The following RBM19 variants were observed in gnomAD, a reference collection of about 807,000 sequenced individuals.
RBM19 encodes probable RNA-binding protein 19.
In RBM19, 94 loss-of-function variants were observed where a neutral mutation model predicts 116.8. The observed-to-expected ratio is 0.80, with a 90% CI of 0.68 to 0.95. The LOEUF (loss-of-function observed/expected upper bound fraction) is 0.95, where lower values mean the gene tolerates loss of function less well. Ranked by LOEUF, RBM19 falls within the 40% of genes least tolerant of loss-of-function variation. The probability of loss-of-function intolerance (pLI) is 0.00; values close to 1 mark genes in which losing one functional copy is unlikely to be tolerated. For missense variants in RBM19, 1,161 were observed against 1,220.7 expected (o/e 0.95, Z 0.73); for synonymous variants, 475 against 494.1 (o/e 0.96, Z 0.51).
chr12:113,828,658 G>A (rs1875092342), intron 23 of RBM19, among the ~76,000 whole-genome samples: 1 of 152,132 alleles, frequency 6.6e-6, no homozygotes, highest in Non-Finnish European at 1.5e-5. Flanking sequence ...CCACCCTTGG[G>A]GAGTATGAGG....
At chr12:113,941,683 A>C (rs1438805451) in intron 14 of RBM19, among the ~76,000 whole-genome samples, 3 of 150,706 alleles carry the variant, frequency 2.0e-5, no homozygotes, top group African/African-American at 7.4e-5. Flanking sequence ...CCATCCACCC[A>C]TCCCCCATAC....
chr12:113,859,374 A>C (rs750453832), intron 21 of RBM19, among the ~76,000 whole-genome samples: 4 of 152,194 alleles, frequency 2.6e-5, no homozygotes, highest in Non-Finnish European at 4.4e-5. Flanking sequence ...TGGCGACCCC[A>C]GGCTGAGCAA....
rs755547432 is a variant in RBM19 at position 113,823,173 on chromosome 12, G to A, written c.*51C>T. 5.2e-6 allele frequency: 8 copies of A among 1,534,030 alleles called. No homozygotes were observed. Among genetic ancestry groups the A allele is most frequent in the South Asian group, 4.5e-5 (4 of 88,980 alleles). On this transcript the variant is annotated 3_prime_UTR_variant, in exon 24 of 24. Transcript: ENST00000261741. ...TGGTGGTGAGTGCAGAAGCTGGAGCGGCTGTCCCGGTCCCCAGGGCCCCGG... is the reference window on the plus strand; with the variant it reads ...TGGTGGTGAGTGCAGAAGCTGGAGCAGCTGTCCCGGTCCCCAGGGCCCCGG...
chr12:113,936,743 T>A (rs1870100534), intron 16 of RBM19: 1 of 340,202 alleles, frequency 2.9e-6, no homozygotes. Flanking sequence ...ATACTTGCTC[T>A]GCTTTGAATC....
intron 21 of RBM19, among the ~76,000 whole-genome samples, chr12:113,878,097 C>A (rs1001550791): frequency 2.6e-5 from 4 of 152,092 alleles, no homozygotes; most frequent in Admixed American, 6.5e-5. Flanking sequence ...ATCACATGGC[C>A]CATGAAGCTA....
At chr12:113,912,686 T>C (rs1193045900) in intron 21 of RBM19, among the ~76,000 whole-genome samples, 1 of 152,262 alleles carries the variant, frequency 6.6e-6, no homozygotes, top group East Asian at 1.9e-4. Context: ...ACAGCAAGCG[T>C]GTAATAAAAG....
chr12:113,941,218 G>C (rs1309351619), intron 14 of RBM19, among the ~76,000 whole-genome samples: 5 of 152,230 alleles, frequency 3.3e-5, no homozygotes, highest in Admixed American at 3.3e-4. Flanking sequence ...AGGATTGAGT[G>C]AGGTGAGGGG....
intron 18 of RBM19, among the ~76,000 whole-genome samples, chr12:113,924,118 A>G (rs1868844557): frequency 6.6e-6 from 1 of 152,220 alleles, no homozygotes; most frequent in Admixed American, 6.5e-5. Flanking sequence ...AGCAGAGGCC[A>G]GGAGACTCAG....
chr12:113,903,075 C>G lies in RBM19; in HGVS notation c.2558+11894G>C, dbSNP rs1378439296. 2.0e-5 allele frequency among the ~76,000 whole-genome samples: 3 copies of G among 152,204 alleles called. No individual in the cohort carries two copies. The highest frequency in any genetic ancestry group is 4.1e-4 in the South Asian group (2 of 4,822). ...TAACTCCCAACCTACCTTCCCCTTC[C>G]CTAAGCAACTGTGAATCTACTTTCA... is the stretch of plus-strand genomic sequence containing the variant. On this transcript the variant is annotated intron_variant, in intron 21 of 23. Coordinates refer to ENST00000261741, the MANE Select transcript of RBM19 (RefSeq NM_016196.4). The surrounding 1 kb of genome is among the most constrained non-coding windows in gnomAD (Gnocchi z 5.1).
Position 113,858,437 on chromosome 12 carries a change from G to A in RBM19, c.2664+354C>T, listed in dbSNP as rs181859802. Among the ~76,000 whole-genome samples, 7 of 152,260 alleles carry A rather than the reference G, an allele frequency of 4.6e-5. No homozygotes were observed. In the East Asian group the frequency reaches 1.2e-3, roughly 25 times the overall value. ...CCCTGCCCTCTCTGCACTGTTCTGC[G>A]TGGCATTTCCCATACTGCCTACCCC... On this transcript the variant is annotated intron_variant, in intron 22 of 23. Coordinates refer to ENST00000261741, the MANE Select transcript of RBM19 (RefSeq NM_016196.4).
rs1041512334 is a variant in RBM19, at chr12:113,927,187, T to C, written c.2111A>G (p.Glu704Gly). 1 of 1,582,808 alleles carries C rather than the reference T, an allele frequency of 6.3e-7. No homozygotes were observed. ...CTTTGCTGAAGAGTTGTCTGCTCCT[T>C]CCTCTGTTGGATTTTCATCTTCTGG... ...ETPEDENPTE[E>G]GADNSSAKME... The change falls in exon 17 of 24, where the codon GAA becomes GGA. Residue 704 changes from glutamate (E) to glycine (G), a missense_variant. Glu to Gly is a moderately conservative substitution (Grantham distance 98). Transcript: ENST00000261741.
chr12:113,950,769 GC>G (rs776011761), intron 8 of RBM19, among the ~76,000 whole-genome samples: 7 of 152,140 alleles, frequency 4.6e-5, no homozygotes, highest in Non-Finnish European at 8.8e-5. Context: ...TTGGTCCAAA[GC>G]CCTTGGGTTT....
At chr12:113,846,465 T>C (rs969970347) in intron 22 of RBM19, among the ~76,000 whole-genome samples, 4 of 152,144 alleles carry the variant, frequency 2.6e-5, no homozygotes, top group African/African-American at 7.2e-5. Flanking sequence ...GACGAGGTCA[T>C]ACTGGAGAAC....
At chr12:113,837,528 C>A (rs1876075182) in intron 23 of RBM19, among the ~76,000 whole-genome samples, 1 of 152,224 alleles carries the variant, frequency 6.6e-6, no homozygotes, top group Non-Finnish European at 1.5e-5. Context: ...TCCCTTGGAG[C>A]CCCACCGTTT....
At chr12:113,877,811 C>T (rs1461869443) in intron 21 of RBM19, among the ~76,000 whole-genome samples, 2 of 152,162 alleles carry the variant, frequency 1.3e-5, no homozygotes, top group South Asian at 2.1e-4. Flanking sequence ...CAGGCACCTA[C>T]TATGTTCAGA....
chr12:113,823,165 G>T lies in RBM19; in HGVS notation c.*59C>A. ...AGCCCACATGGTGGTGAGTGCAGAA[G>T]CTGGAGCGGCTGTCCCGGTCCCCAG... On this transcript the variant is annotated 3_prime_UTR_variant, in exon 24 of 24. Coordinates refer to ENST00000261741, the MANE Select transcript of RBM19 (RefSeq NM_016196.4). 1 of 1,471,824 alleles carries T rather than the reference G, an allele frequency of 6.8e-7. No homozygotes were observed. The highest frequency in any genetic ancestry group is 9.3e-7 in the Non-Finnish European group (1 of 1,070,196). 91.2% of individuals were successfully genotyped at this position (1,471,824 alleles called of 1,614,324 possible). A position where few individuals can be genotyped will look rare whatever the true frequency, so the allele number is the denominator to read the frequency against.
intron 22 of RBM19, among the ~76,000 whole-genome samples, chr12:113,854,943 C>T (rs1325988280): frequency 6.6e-6 from 1 of 152,220 alleles, no homozygotes; most frequent in Non-Finnish European, 1.5e-5. Flanking sequence ...CTCGCGGGAG[C>T]CTCTTGCTAT....
chr12:113,822,821 T>G lies in RBM19; in HGVS notation c.*403A>C. ...TCCCAGCTTGAGCTTGGAGACGGGG[T>G]TTCATGTCCAAGCAGCCTGATGCCA... On this transcript the variant is annotated 3_prime_UTR_variant, in exon 24 of 24. Transcript: ENST00000261741. 3 of 164,738 alleles carry G rather than the reference T, an allele frequency of 1.8e-5. No individual in the cohort carries two copies. The highest frequency in any genetic ancestry group is 3.9e-5 in the Non-Finnish European group (3 of 76,930). The allele number at this position is 164,738 out of a possible 1,614,324, so 10.2% of individuals were successfully genotyped here. A position where few individuals can be genotyped will look rare whatever the true frequency, so the allele number is the denominator to read the frequency against.
chr12:113,878,667 A>ACACACC, intron 21 of RBM19, among the ~76,000 whole-genome samples: 1 of 148,238 alleles, frequency 6.7e-6, no homozygotes, highest in South Asian at 2.1e-4. Flanking sequence ...ACACACACAC[A>ACACACC]CACACCCTCA....
Sources: gnomAD v4.1 joint callset for allele counts (sites outside exome capture counted in the v4.1 genomes callset) on GRCh38, gnomAD v4.1.1 for gene constraint, Gnocchi (gnomAD v3.1) non-coding constraint, MANE v1.5 for transcripts, NCBI Gene and HGNC (gene_info 2026-07-23, HGNC 2026-07-21) for gene names.